The following SLC10A7 variants were observed in gnomAD, a reference collection of about 807,000 sequenced individuals.
The protein encoded by SLC10A7 is solute carrier family 10 member 7.
Under a neutral mutation model 43.2 loss-of-function variants are expected in SLC10A7, and 29 were observed. That is an observed-to-expected ratio of 0.67 (90% confidence interval 0.50 to 0.92). The LOEUF is 0.92. Ranked by LOEUF, SLC10A7 falls within the 40% of genes least tolerant of loss-of-function variation. The pLI is 0.00. For missense variants in SLC10A7, 295 were observed against 403.2 expected (o/e 0.73, Z 2.30); for synonymous variants, 152 against 144.8 (o/e 1.05, Z -0.35).
chr4:146,263,869 C>A (rs1217426591), intron 10 of SLC10A7, among the ~76,000 whole-genome samples: 1 of 152,200 alleles, frequency 6.6e-6, no homozygotes, highest in Non-Finnish European at 1.5e-5. Context: ...TAATTTCCAC[C>A]AAAAGCATTT....
intron 5 of SLC10A7, among the ~76,000 whole-genome samples, chr4:146,372,287 C>T (rs1018431633): frequency 1.3e-5 from 2 of 151,864 alleles, no homozygotes; most frequent in African/African-American, 4.8e-5. Context: ...CACCCCATCT[C>T]TACAAAAAAT....
intron 5 of SLC10A7, among the ~76,000 whole-genome samples, chr4:146,416,761 C>T (rs1199485777): frequency 6.6e-6 from 1 of 152,160 alleles, no homozygotes; most frequent in African/African-American, 2.4e-5. Context: ...CCACAAGGTC[C>T]TAACTTTATA....
rs568322435 is a variant in SLC10A7, at chr4:146,446,568, C to A, written c.397-3747G>T. Reference sequence around the variant, plus strand: ...TCCAGCCCGGGTGACGGAGCAAGACCCTGTCTCAAAAAAAAAAAAAAAAAT... The same window carrying A: ...TCCAGCCCGGGTGACGGAGCAAGACACTGTCTCAAAAAAAAAAAAAAAAAT... On this transcript the variant is annotated intron_variant, in intron 4 of 11. Coordinates refer to ENST00000335472, the MANE Select transcript of SLC10A7 (RefSeq NM_001029998.6). Among the ~76,000 whole-genome samples the A allele has an allele frequency of 1.4e-4, 16 of 114,112 alleles. No homozygotes were observed. The Admixed American group carries it at 1.5e-3, about 11-fold the overall frequency. The allele number at this position is 114,112 out of a possible 152,430, so 74.9% of individuals were successfully genotyped here.
intron 5 of SLC10A7, among the ~76,000 whole-genome samples, chr4:146,422,466 A>G (rs1221920338): frequency 6.6e-6 from 1 of 152,188 alleles, no homozygotes; most frequent in Non-Finnish European, 1.5e-5. Flanking sequence ...CAACAGAAGT[A>G]AAGATTAATA....
intron 1 of SLC10A7, among the ~76,000 whole-genome samples, chr4:146,519,043 A>C (rs1156891769): frequency 7.8e-6 from 1 of 127,402 alleles, no homozygotes; most frequent in Non-Finnish European, 1.6e-5. Context: ...TATGGACAGA[A>C]GACCAAGCTC....
At chr4:146,256,931 T>G in intron 11 of SLC10A7, 1 of 1,534,370 alleles carries the variant, frequency 6.5e-7, no homozygotes, top group Admixed American at 2.0e-5. Context: ...TGGTTTGGAG[T>G]AGTTTCTACA....
At chr4:146,355,552 T>A (rs373556771) in intron 5 of SLC10A7, among the ~76,000 whole-genome samples, 1 of 151,380 alleles carries the variant, frequency 6.6e-6, no homozygotes, top group Admixed American at 6.6e-5. Flanking sequence ...TATACCCAAA[T>A]GACTATAAAT....
intron 5 of SLC10A7, among the ~76,000 whole-genome samples, chr4:146,367,492 TAG>T (rs1300840073): frequency 6.6e-6 from 1 of 152,182 alleles, no homozygotes; most frequent in Non-Finnish European, 1.5e-5. Flanking sequence ...ATAAATGTAT[TAG>T]AGAGTATAGG....
intron 4 of SLC10A7, among the ~76,000 whole-genome samples, chr4:146,450,339 C>T (rs917149934): frequency 1.3e-5 from 2 of 152,014 alleles, no homozygotes; most frequent in African/African-American, 2.4e-5. Flanking sequence ...CTAGAGAAGA[C>T]AAAGTATACA....
At chr4:146,517,307 A>G (rs1287302478) in intron 1 of SLC10A7, among the ~76,000 whole-genome samples, 187 bp from the exon 2 acceptor site, 1 of 152,064 alleles carries the variant, frequency 6.6e-6, no homozygotes, top group Non-Finnish European at 1.5e-5. Flanking sequence ...TACTAAAAAT[A>G]CAAAAATTAG....
chr4:146,305,182 C>T (rs1731466314), intron 7 of SLC10A7, among the ~76,000 whole-genome samples: 1 of 149,996 alleles, frequency 6.7e-6, no homozygotes, highest in Admixed American at 6.7e-5. Flanking sequence ...ACCCAAATGT[C>T]CAACAATGAT....
At chr4:146,331,520 A>T (rs931113871) in intron 5 of SLC10A7, among the ~76,000 whole-genome samples, 1 of 152,128 alleles carries the variant, frequency 6.6e-6, no homozygotes, top group Non-Finnish European at 1.5e-5. Flanking sequence ...TGCTTTTCTA[A>T]TGGCCTGGGT....
At chr4:146,395,664 A>G (rs1210274760) in intron 5 of SLC10A7, among the ~76,000 whole-genome samples, 1 of 152,218 alleles carries the variant, frequency 6.6e-6, no homozygotes, top group African/African-American at 2.4e-5. Context: ...CTAACATCGG[A>G]CATGCTTTTT....
At chr4:146,378,514 T>A (rs1023055721) in intron 5 of SLC10A7, among the ~76,000 whole-genome samples, 1 of 152,142 alleles carries the variant, frequency 6.6e-6, no homozygotes, top group African/African-American at 2.4e-5. Context: ...TTTCATGAAT[T>A]TTCAGAGAAG....
At chr4:146,486,390 CA>C (rs1560955264) in intron 4 of SLC10A7, among the ~76,000 whole-genome samples, 1 of 152,094 alleles carries the variant, frequency 6.6e-6, no homozygotes, top group African/African-American at 2.4e-5. Context: ...AATCATTTAA[CA>C]AGCTATTTTA....
chr4:146,272,242 G>A (rs529029447), intron 10 of SLC10A7, among the ~76,000 whole-genome samples: 3 of 152,296 alleles, frequency 2.0e-5, no homozygotes, highest in African/African-American at 4.8e-5. Context: ...CCTGGGAAGT[G>A]TCACAGCTAC....
chr4:146,450,680 A>G (rs1480395403), intron 4 of SLC10A7, among the ~76,000 whole-genome samples: 3 of 152,182 alleles, frequency 2.0e-5, no homozygotes, highest in African/African-American at 7.2e-5. Context: ...CAAATTTAAG[A>G]AAGTAGTATA....
intron 4 of SLC10A7, among the ~76,000 whole-genome samples, chr4:146,448,883 C>G (rs1178716371): frequency 6.6e-6 from 1 of 152,174 alleles, no homozygotes; most frequent in Non-Finnish European, 1.5e-5. Flanking sequence ...CACATGCAGG[C>G]TGTATAGGTG....
At chr4:146,505,492 G>C (rs891583912) in intron 3 of SLC10A7, among the ~76,000 whole-genome samples, 3 of 152,092 alleles carry the variant, frequency 2.0e-5, no homozygotes, top group Non-Finnish European at 4.4e-5. Flanking sequence ...ATTTTCAACG[G>C]CATGGGGGTT....
Sources: allele counts gnomAD v4.1 joint callset (sites outside exome capture counted in the v4.1 genomes callset), GRCh38; gene constraint gnomAD v4.1.1; transcripts MANE v1.5; gene names NCBI Gene and HGNC (gene_info 2026-07-23, HGNC 2026-07-21).